DLGAP2: variants seen among roughly 807,000 people sequenced by gnomAD.
The protein encoded by DLGAP2 is disks large-associated protein 2.
In DLGAP2, 26 loss-of-function variants were observed where a neutral mutation model predicts 100.3. The observed-to-expected ratio is 0.26, with a 90% CI of 0.19 to 0.36. The LOEUF (loss-of-function observed/expected upper bound fraction) is 0.36. Among genes scored for constraint, DLGAP2 ranks in the 10% least tolerant of loss-of-function variants. DLGAP2 has a pLI of 1.00. For synonymous variants in DLGAP2, 886 were observed against 630.1 expected (o/e 1.41, Z -6.08); for missense variants, 1,858 against 1,453.2 (o/e 1.28, Z -4.53).
At chr8:1,295,762 G>A (rs143874600) in intron 3 of DLGAP2, among the ~76,000 whole-genome samples, 2,672 of 152,310 alleles carry the variant, frequency 0.018, 33 homozygotes, top group South Asian at 0.037. Flanking sequence ...GGGAGCTGTG[G>A]GGTGTGTCCC....
chr8:1,519,926 C>T (rs1053337453), intron 4 of DLGAP2, among the ~76,000 whole-genome samples: 1 of 152,222 alleles, frequency 6.6e-6, no homozygotes. Context: ...GGGTTTGGGT[C>T]TATCCTCCCA....
intron 4 of DLGAP2, among the ~76,000 whole-genome samples, chr8:1,506,832 A>G (rs1160365045): frequency 6.6e-6 from 1 of 152,154 alleles, no homozygotes; most frequent in East Asian, 1.9e-4. Context: ...AAGTTTTCCA[A>G]GTCCCCACTA....
intron 2 of DLGAP2, among the ~76,000 whole-genome samples, chr8:1,240,204 TCTCACATGGCACTGTGTCTA>T (rs1199993176): frequency 0.17 from 15,585 of 89,180 alleles, 1,826 homozygotes; most frequent in Non-Finnish European, 0.25. Flanking sequence ...TGTCTAGTTC[TCTCACATGGCACTGTGTCTA>T]GTTCTCTCAC....
At chr8:1,632,686 C>G in intron 7 of DLGAP2, 141 bp from the exon 8 acceptor site, 1 of 748,332 alleles carries the variant, frequency 1.3e-6, no homozygotes, top group Non-Finnish European at 2.1e-6. Flanking sequence ...CAGCCGATGC[C>G]CATGCTGACT....
At chr8:1,412,390 G>A (rs1796756166) in intron 3 of DLGAP2, among the ~76,000 whole-genome samples, 1 of 152,186 alleles carries the variant, frequency 6.6e-6, no homozygotes, top group Non-Finnish European at 1.5e-5. Context: ...GGTTCCAAAA[G>A]GTTCTCAGAG....
At chr8:1,486,871 C>T (rs1436767704) in intron 3 of DLGAP2, among the ~76,000 whole-genome samples, 1 of 152,312 alleles carries the variant, frequency 6.6e-6, no homozygotes, top group Non-Finnish European at 1.5e-5. Flanking sequence ...GATGGGAAAA[C>T]TGGAACAGCC....
At chr8:1,326,654 G>T (rs144822034) in intron 3 of DLGAP2, among the ~76,000 whole-genome samples, 1 of 152,230 alleles carries the variant, frequency 6.6e-6, no homozygotes, top group Non-Finnish European at 1.5e-5. Context: ...CGAGCTCTTA[G>T]TCTTGGTCTG....
chr8:1,585,168 C>T (rs1796077416), intron 6 of DLGAP2, among the ~76,000 whole-genome samples: 1 of 152,254 alleles, frequency 6.6e-6, no homozygotes, highest in Admixed American at 6.5e-5. Flanking sequence ...CTGGTTTGTT[C>T]ATTAATACTC....
At chr8:1,551,828 C>T (rs1801777585) in intron 5 of DLGAP2, among the ~76,000 whole-genome samples, 1 of 152,194 alleles carries the variant, frequency 6.6e-6, no homozygotes, top group Admixed American at 6.5e-5. Context: ...ACATAACCAC[C>T]TGCATTATAT....
intron 3 of DLGAP2, among the ~76,000 whole-genome samples, chr8:1,493,599 T>C (rs1396399974): frequency 6.6e-6 from 1 of 152,212 alleles, no homozygotes; most frequent in Non-Finnish European, 1.5e-5. Context: ...AACGTTGGTT[T>C]AATGGTGAAG....
chr8:1,002,088 C>G (rs569414003), intron 2 of DLGAP2: 2 of 152,172 alleles, frequency 1.3e-5, no homozygotes, highest in African/African-American at 2.4e-5. Context: ...CTTAAATGAA[C>G]GATGATGCCT....
At chr8:840,695 T>C (rs180950018) in intron 1 of DLGAP2, among the ~76,000 whole-genome samples, 4 of 145,708 alleles carry the variant, frequency 2.7e-5, no homozygotes, top group Admixed American at 2.1e-4. Flanking sequence ...CCTGTATGTC[T>C]CCCTACACTC....
At chr8:1,183,313 A>G (rs908146375) in intron 2 of DLGAP2, among the ~76,000 whole-genome samples, 1 of 152,182 alleles carries the variant, frequency 6.6e-6, no homozygotes, top group Non-Finnish European at 1.5e-5. Flanking sequence ...AAATAACTAC[A>G]TGGGAAAACA....
chr8:1,157,807 A>C (rs1796819358), intron 2 of DLGAP2, among the ~76,000 whole-genome samples: 1 of 152,190 alleles, frequency 6.6e-6, no homozygotes, highest in African/African-American at 2.4e-5. Context: ...CTGGGATCGG[A>C]GGGAGGCGAT....
chr8:1,608,459 T>G (rs1584987746), intron 6 of DLGAP2, among the ~76,000 whole-genome samples: 1 of 47,692 alleles, frequency 2.1e-5, no homozygotes. Flanking sequence ...ACAGAAAAAC[T>G]GGAAACTCTA....
At chr8:1,587,006 G>A (rs189403040) in intron 6 of DLGAP2, among the ~76,000 whole-genome samples, 1 of 152,260 alleles carries the variant, frequency 6.6e-6, no homozygotes, top group East Asian at 1.9e-4. Flanking sequence ...CATAATCTAT[G>A]CATAGTTTAA....
chr8:950,251 A>G (rs981360824), intron 2 of DLGAP2, among the ~76,000 whole-genome samples: 1 of 152,196 alleles, frequency 6.6e-6, no homozygotes, highest in Non-Finnish European at 1.5e-5. Context: ...ACCAAAAATC[A>G]TGAGGAAATA....
At chr8:1,337,927 G>A (rs778939520) in intron 3 of DLGAP2, among the ~76,000 whole-genome samples, 24 of 152,204 alleles carry the variant, frequency 1.6e-4, no homozygotes, top group Non-Finnish European at 3.2e-4. Flanking sequence ...GTTCCACTAA[G>A]TACAGGGAAG....
intron 1 of DLGAP2, among the ~76,000 whole-genome samples, chr8:821,465 A>G (rs1224618951): frequency 2.0e-5 from 3 of 152,254 alleles, no homozygotes; most frequent in African/African-American, 4.8e-5. Flanking sequence ...GCGGGGAATA[A>G]TAATTTCATG....
Sources: gnomAD v4.1 joint callset for allele counts (sites outside exome capture counted in the v4.1 genomes callset) on GRCh38, gnomAD v4.1.1 for gene constraint, MANE v1.5 for transcripts, NCBI Gene and HGNC (gene_info 2026-07-23, HGNC 2026-07-21) for gene names.